Variants in OCRL observed in about 807,000 individuals in gnomAD.
OCRL encodes inositol polyphosphate 5-phosphatase OCRL.
Under a neutral mutation model 78.9 loss-of-function variants are expected in OCRL, and 8 were observed. The observed-to-expected ratio is 0.10, with a 90% CI of 0.06 to 0.18. OCRL has a LOEUF of 0.18. OCRL is among the 10% of genes least tolerant of loss of function. OCRL has a pLI of 1.00. For synonymous variants in OCRL, 240 were observed against 235.4 expected (o/e 1.02, Z -0.18); for missense variants, 454 against 696.7 (o/e 0.65, Z 3.92).
intron 17 of OCRL, 85 bp from the exon 18 acceptor site, chrX:129,576,232 G>T (rs1422646561): frequency 2.1e-6 from 2 of 975,576 alleles, no homozygotes; most frequent in East Asian, 3.1e-5. Context: ...TTTTTTAGAG[G>T]ACACTTTTCT....
At chrX:129,560,763 G>A in intron 9 of OCRL, 112 bp downstream of exon 9, 2 of 499,287 alleles carry the variant, frequency 4.0e-6, no homozygotes, top group East Asian at 3.8e-5. Flanking sequence ...GACTATACAC[G>A]AGAGTTAACT....
Position 129,548,609 on chromosome X carries a change from T to C in OCRL, c.238+8T>C. On this transcript the variant is annotated splice_region_variant and intron_variant, in intron 4 of 23. Coordinates refer to ENST00000371113, the MANE Select transcript of OCRL (RefSeq NM_000276.4). ...TTGACATAGCTTCTAACAGTGAGTA[T>C]CTTTCTGAATGTGCTTGATTTTTAC... 1 of 1,183,785 alleles carries C rather than the reference T, an allele frequency of 8.4e-7. No homozygotes were observed. The highest frequency in any genetic ancestry group is 1.1e-6 in the Non-Finnish European group (1 of 870,418).
At position 129,590,394 on chromosome X, in the gene OCRL, A is replaced by G. The variant is rs1453605881; in HGVS notation, c.*124A>G. ...AGAATTTCAAGTTCTGTTTATAGTA[A>G]AAAGGAAGAGCGTTTCCTAATCCCT... On this transcript the variant is annotated 3_prime_UTR_variant, in exon 24 of 24. Coordinates refer to ENST00000371113, the MANE Select transcript of OCRL (RefSeq NM_000276.4). 1 of 894,060 alleles carries G rather than the reference A, an allele frequency of 1.1e-6. No individual in the cohort carries two copies. Among genetic ancestry groups the G allele is most frequent in the Non-Finnish European group, 1.6e-6 (1 of 620,912 alleles). 73.7% of individuals were successfully genotyped at this position (894,060 alleles called of 1,213,427 possible).
chrX:129,545,668 A>G (rs1285553289), intron 3 of OCRL, among the ~76,000 whole-genome samples: 2 of 112,137 alleles, frequency 1.8e-5, no homozygotes, highest in Non-Finnish European at 3.8e-5. Flanking sequence ...GTCATCTCAC[A>G]TTGCTCTAGA....
chrX:129,567,612 A>G (rs1249217937), intron 14 of OCRL, among the ~76,000 whole-genome samples: 3 of 112,319 alleles, frequency 2.7e-5, no homozygotes, highest in Non-Finnish European at 5.6e-5. Flanking sequence ...GGCTACCTAC[A>G]GTGCCTTATT....
At chrX:129,581,865 C>G (rs190681291) in intron 18 of OCRL, among the ~76,000 whole-genome samples, 6 of 92,255 alleles carry the variant, frequency 6.5e-5, no homozygotes, top group Admixed American at 2.4e-4. Flanking sequence ...CTCTCTCTCT[C>G]TGTCTCTGTC....
intron 2 of OCRL, among the ~76,000 whole-genome samples, chrX:129,541,517 G>A (rs966974512): frequency 8.9e-6 from 1 of 111,951 alleles, no homozygotes; most frequent in South Asian, 3.7e-4. Flanking sequence ...TTGACTGATT[G>A]ATCAAAAGAT....
intron 15 of OCRL, among the ~76,000 whole-genome samples, chrX:129,570,292 C>T (rs1253009308): frequency 8.9e-6 from 1 of 111,786 alleles, no homozygotes; most frequent in Non-Finnish European, 1.9e-5. Flanking sequence ...GATTTGCATC[C>T]GAGTTCAACC....
At chrX:129,590,100 G>C (rs1428287372) in intron 23 of OCRL, 46 bp from the exon 24 acceptor site, 2 of 1,211,101 alleles carry the variant, frequency 1.7e-6, no homozygotes, top group South Asian at 3.5e-5. Context: ...TTTTGCTTAG[G>C]TTATGTCTGA....
rs558582958 is a variant in OCRL, at chrX:129,584,758, A to G, written c.2139+391A>G. Among the ~76,000 whole-genome samples the G allele has an allele frequency of 5.2e-4, 58 of 112,174 alleles. 1 individual carries two copies. The South Asian group carries it at 0.021, about 41-fold the overall frequency. On this transcript the variant is annotated intron_variant, in intron 19 of 23. Transcript: ENST00000371113. ...GTTGCATTAAAAATGATTTGAGGTTAATGATCATAGCAATTAATTTCAGAA... is the reference window on the plus strand; with the variant it reads ...GTTGCATTAAAAATGATTTGAGGTTGATGATCATAGCAATTAATTTCAGAA...
rs748257020 is a variant in OCRL at position 129,592,447 on chromosome X, C to T, written c.*2177C>T. ...AATTGTTTGTTATATTTCCCAAAAA[C>T]GTCTTGATCACTAAGCAAAGCTGCT... is the stretch of plus-strand genomic sequence containing the variant. On this transcript the variant is annotated 3_prime_UTR_variant, in exon 24 of 24. Transcript: ENST00000371113. 2 of 112,817 alleles carry T rather than the reference C, an allele frequency of 1.8e-5. No individual in the cohort carries two copies. Among genetic ancestry groups the T allele is most frequent in the South Asian group, 3.7e-4 (1 of 2,719 alleles). The allele number at this position is 112,817 out of a possible 1,213,427, so 9.3% of individuals were successfully genotyped here. A position where few individuals can be genotyped will look rare whatever the true frequency, so the allele number is the denominator to read the frequency against.
At chrX:129,589,461 T>C in intron 22 of OCRL, 1 of 283,993 alleles carries the variant, frequency 3.5e-6, no homozygotes, top group Non-Finnish European at 6.4e-6. Context: ...CCATCCATGC[T>C]AAGTGACATT....
At chrX:129,565,594 GTC>G (rs777802338) in intron 12 of OCRL, among the ~76,000 whole-genome samples, 176 bp from the exon 13 acceptor site, 16 of 111,904 alleles carry the variant, frequency 1.4e-4, no homozygotes, top group African/African-American at 5.2e-4. Context: ...GTAATCCATT[GTC>G]TCTCTCAGGT....
chrX:129,544,214 G>T (rs949570718), intron 2 of OCRL, among the ~76,000 whole-genome samples: 4 of 111,785 alleles, frequency 3.6e-5, no homozygotes, highest in Middle Eastern at 4.6e-3. Flanking sequence ...GACCACTAAG[G>T]ATAAATAATA....
intron 4 of OCRL, 136 bp from the exon 5 acceptor site, chrX:129,557,189 T>A (rs1287427068): frequency 3.7e-6 from 2 of 544,459 alleles, no homozygotes; most frequent in Non-Finnish European, 6.3e-6. Flanking sequence ...TGATCTTGTA[T>A]GTGTGCTTCC....
rs72039883 is a variant in OCRL at position 129,591,733 on chromosome X, TG to T, written c.*1470del. ...GATTTCTCCTGTTTCTTGGTGGGGG[TG>T]GGGGGGAAGGTACGTATTCTGCAAT... On this transcript the variant is annotated 3_prime_UTR_variant, in exon 24 of 24. Coordinates refer to ENST00000371113, the MANE Select transcript of OCRL (RefSeq NM_000276.4). 0.022 allele frequency: 2,382 copies of T among 108,830 alleles called. 27 individuals carry two copies. The highest frequency in any genetic ancestry group is 0.067 in the Admixed American group (678 of 10,063). The allele number at this position is 108,830 out of a possible 1,213,427, so 9.0% of individuals were successfully genotyped here.
At chrX:129,580,989 C>T (rs1025212984) in intron 18 of OCRL, among the ~76,000 whole-genome samples, 31 of 111,608 alleles carry the variant, frequency 2.8e-4, no homozygotes, top group Non-Finnish European at 4.3e-4. Context: ...CTCAGCCTCC[C>T]GAGTAACTGG....
intron 2 of OCRL, among the ~76,000 whole-genome samples, chrX:129,542,356 C>G (rs1220951122): frequency 9.4e-6 from 1 of 106,089 alleles, no homozygotes; most frequent in African/African-American, 3.8e-5. Context: ...AACTATATAA[C>G]TAACAACTAA....
At chrX:129,543,780 A>G (rs930958698) in intron 2 of OCRL, among the ~76,000 whole-genome samples, 1 of 112,810 alleles carries the variant, frequency 8.9e-6, no homozygotes, top group Non-Finnish European at 1.9e-5. Flanking sequence ...CTTCAAAACA[A>G]TGACATTTTA....
Sources: allele counts gnomAD v4.1 joint callset (sites outside exome capture counted in the v4.1 genomes callset), GRCh38; gene constraint gnomAD v4.1.1; transcripts MANE v1.5; gene names NCBI Gene and HGNC (gene_info 2026-07-23, HGNC 2026-07-21).